CSNK2A2IP: variants seen among roughly 807,000 people sequenced by gnomAD.
CSNK2A2IP encodes the protein casein kinase 2 subunit alpha' interacting protein, also known as casein kinase II subunit alpha'-interacting protein.
the CSNK2A2IP span, among the ~76,000 whole-genome samples, chr3:88,400,705 G>GA: frequency 5.3e-5 from 8 of 152,132 alleles, no homozygotes; most frequent in Non-Finnish European, 1.5e-5. Context: ...CTTAGAAGCT[G>GA]AAAAAGGAGC....
the CSNK2A2IP span, among the ~76,000 whole-genome samples, chr3:88,406,836 G>C: frequency 2.0e-5 from 3 of 152,122 alleles, no homozygotes; most frequent in Admixed American, 1.3e-4. Flanking sequence ...GCGGCAGACC[G>C]ATGTAGCCAT....
chr3:88,379,468 G>T, the CSNK2A2IP span, among the ~76,000 whole-genome samples: 1 of 152,012 alleles, frequency 6.6e-6, no homozygotes, highest in Admixed American at 6.6e-5. Context: ...ATATGCTTGT[G>T]CAATTAATAG....
chr3:88,339,407 G>C, the CSNK2A2IP span, among the ~76,000 whole-genome samples: 1 of 151,976 alleles, frequency 6.6e-6, no homozygotes, highest in African/African-American at 2.4e-5. Context: ...ACATTCCATT[G>C]TGTATATGTG....
At chr3:88,357,639 G>A in the CSNK2A2IP span, among the ~76,000 whole-genome samples, 1 of 152,078 alleles carries the variant, frequency 6.6e-6, no homozygotes, top group Non-Finnish European at 1.5e-5. Context: ...ATTTTGATAA[G>A]GATTGCATTG....
the CSNK2A2IP span, among the ~76,000 whole-genome samples, chr3:88,389,510 G>T: frequency 6.6e-6 from 1 of 152,304 alleles, no homozygotes; most frequent in East Asian, 1.9e-4. Flanking sequence ...TCGTAAGGAT[G>T]CTGGCTTTTC....
chr3:88,466,829 G>A, the CSNK2A2IP span: 31 of 966,072 alleles, frequency 3.2e-5, no homozygotes, highest in Non-Finnish European at 4.0e-5. Flanking sequence ...AACCATCTTA[G>A]AGGAAAGAAA....
At chr3:88,436,854 T>C in the CSNK2A2IP span, among the ~76,000 whole-genome samples, 1 of 152,146 alleles carries the variant, frequency 6.6e-6, no homozygotes, top group African/African-American at 2.4e-5. Flanking sequence ...AAAATCTTGA[T>C]CAGCTTCCTA....
chr3:88,394,536 C>T, the CSNK2A2IP span, among the ~76,000 whole-genome samples: 1 of 152,024 alleles, frequency 6.6e-6, no homozygotes, highest in Non-Finnish European at 1.5e-5. Flanking sequence ...CCACGGCCAG[C>T]GAATTTTTAT....
At chr3:88,432,389 C>G in the CSNK2A2IP span, among the ~76,000 whole-genome samples, 5 of 151,682 alleles carry the variant, frequency 3.3e-5, no homozygotes, top group Non-Finnish European at 7.4e-5. Flanking sequence ...AATCTATCAT[C>G]TATCTGAAAT....
chr3:88,363,628 T>C, the CSNK2A2IP span, among the ~76,000 whole-genome samples: 22 of 152,342 alleles, frequency 1.4e-4, no homozygotes, highest in Admixed American at 4.6e-4. Context: ...AGTTTTACCT[T>C]TCTGAGTGCT....
chr3:88,354,512 GC>G, the CSNK2A2IP span, among the ~76,000 whole-genome samples: 1 of 152,118 alleles, frequency 6.6e-6, no homozygotes, highest in African/African-American at 2.4e-5. Context: ...GGCATTGTAG[GC>G]AAAAGGATGG....
At chr3:88,427,974 T>C in the CSNK2A2IP span, among the ~76,000 whole-genome samples, 4 of 152,082 alleles carry the variant, frequency 2.6e-5, no homozygotes, top group African/African-American at 7.2e-5. Flanking sequence ...GATTGCACCA[T>C]GCGCCTGGAA....
chr3:88,446,686 G>T, the CSNK2A2IP span, among the ~76,000 whole-genome samples: 13,004 of 152,184 alleles, frequency 0.085, 731 homozygotes, highest in Non-Finnish European at 0.12. Context: ...CTTGTCAGTT[G>T]AGAGAGAAGG....
At chr3:88,445,429 C>T in the CSNK2A2IP span, among the ~76,000 whole-genome samples, 44 of 151,926 alleles carry the variant, frequency 2.9e-4, no homozygotes, top group African/African-American at 9.7e-4. Context: ...GGCGACAAAA[C>T]GAAACTCTGT....
the CSNK2A2IP span, among the ~76,000 whole-genome samples, chr3:88,371,089 T>A: frequency 6.6e-6 from 1 of 151,756 alleles, no homozygotes; most frequent in Non-Finnish European, 1.5e-5. Flanking sequence ...TATTTGGTTA[T>A]GGCAGCCTGA....
At chr3:88,423,317 G>C in the CSNK2A2IP span, among the ~76,000 whole-genome samples, 1 of 152,164 alleles carries the variant, frequency 6.6e-6, no homozygotes, top group Non-Finnish European at 1.5e-5. Flanking sequence ...TAGAGAAATT[G>C]ATCGTCTATA....
At chr3:88,362,663 A>G in the CSNK2A2IP span, among the ~76,000 whole-genome samples, 1 of 152,174 alleles carries the variant, frequency 6.6e-6, no homozygotes, top group African/African-American at 2.4e-5. Context: ...AGGTCACGTT[A>G]GTCAGCAGGT....
chr3:88,429,376 A>T, the CSNK2A2IP span, among the ~76,000 whole-genome samples: 1 of 152,230 alleles, frequency 6.6e-6, no homozygotes, highest in Non-Finnish European at 1.5e-5. Flanking sequence ...TATTTAAGGT[A>T]TCCAAAAGGA....
At chr3:88,369,899 C>T in the CSNK2A2IP span, among the ~76,000 whole-genome samples, 1 of 151,882 alleles carries the variant, frequency 6.6e-6, no homozygotes, top group Non-Finnish European at 1.5e-5. Context: ...AAGGGTGAGC[C>T]TTTAAATCTG....
Sources: gnomAD v4.1 joint callset for allele counts (sites outside exome capture counted in the v4.1 genomes callset) on GRCh38, gnomAD v4.1.1 for gene constraint, MANE v1.5 for transcripts, NCBI Gene and HGNC (gene_info 2026-07-23, HGNC 2026-07-21) for gene names.